The following BCAS3 variants were observed in gnomAD, a reference collection of about 807,000 sequenced individuals.
BCAS3 encodes the protein BCAS4/BCAS3 fusion.
In BCAS3, 53 loss-of-function variants were observed where a neutral mutation model predicts 116.1. The observed-to-expected ratio is 0.46, with a 90% CI of 0.37 to 0.57. The LOEUF (loss-of-function observed/expected upper bound fraction) is 0.57. Ranked by LOEUF, BCAS3 falls within the 20% of genes least tolerant of loss-of-function variation. BCAS3 has a pLI of 0.00. For missense variants in BCAS3, 917 were observed against 1,165.4 expected (o/e 0.79, Z 3.10); for synonymous variants, 391 against 408.2 (o/e 0.96, Z 0.51).
intron 5 of BCAS3, among the ~76,000 whole-genome samples, chr17:60,726,703 G>T (rs2039906415): frequency 6.6e-6 from 1 of 151,488 alleles, no homozygotes; most frequent in Admixed American, 6.6e-5. Flanking sequence ...TAGACATGGG[G>T]TTTCACCATG....
In BCAS3 at chr17:61,325,862, C is replaced by A. The variant is rs1229296350; in HGVS notation, c.2426-42465C>A. ...TGGGGACAGTCATCTGGGACCCAGT[C>A]ATGCTGAATGTTTCTCTCACTAGAG... On this transcript the variant is annotated intron_variant, in intron 22 of 23. Coordinates refer to ENST00000407086, the MANE Select transcript of BCAS3 (RefSeq NM_017679.5). The surrounding 1 kb of genome is among the most constrained non-coding windows in gnomAD (Gnocchi z 6.4). Among the ~76,000 whole-genome samples, 1 of 152,088 alleles carries A rather than the reference C, an allele frequency of 6.6e-6. No homozygotes were observed. Among genetic ancestry groups the A allele is most frequent in the Non-Finnish European group, 1.5e-5 (1 of 68,018 alleles).
rs539274180 is a variant in BCAS3 at position 61,380,427 on chromosome 17, C to G, written c.2594-11550C>G. ...CAAACCAGATTTGGGTATCGACTCA[C>G]TTTGATCTCAGCTCTTCCTGCTCTC... On this transcript the variant is annotated intron_variant, in intron 23 of 23. Transcript: ENST00000407086. This position sits in a 1 kb window ranked among gnomAD's most constrained non-coding sequence, Gnocchi z 4.2. The G allele has an allele frequency of 7.2e-7, 1 of 1,398,270 alleles. No homozygotes were observed. Among genetic ancestry groups the G allele is most frequent in the South Asian group, 1.2e-5 (1 of 82,650 alleles). 86.6% of individuals were successfully genotyped at this position (1,398,270 alleles called of 1,614,324 possible). A position where few individuals can be genotyped will look rare whatever the true frequency, so the allele number is the denominator to read the frequency against.
intron 7 of BCAS3, among the ~76,000 whole-genome samples, chr17:60,814,296 T>TGCGCGCGC (rs755687591): frequency 9.4e-4 from 117 of 124,484 alleles, no homozygotes; most frequent in African/African-American, 3.1e-3. Context: ...TGTGTGTGTG[T>TGCGCGCGC]GTGTGTGTGT....
intron 5 of BCAS3, among the ~76,000 whole-genome samples, chr17:60,724,090 A>G (rs2051082734): frequency 6.6e-6 from 1 of 151,142 alleles, no homozygotes; most frequent in Admixed American, 6.6e-5. Context: ...CTTTTACTCT[A>G]TTATTATTTT....
At chr17:60,850,977 A>T (rs2053091782) in intron 7 of BCAS3, among the ~76,000 whole-genome samples, 1 of 152,258 alleles carries the variant, frequency 6.6e-6, no homozygotes, top group South Asian at 2.1e-4. Context: ...TTGTATGGAA[A>T]GGCAATGCTC....
At chr17:60,951,764 C>CTTTTTTTTTTTTT (rs769133578) in intron 14 of BCAS3, among the ~76,000 whole-genome samples, 47 of 109,546 alleles carry the variant, frequency 4.3e-4, no homozygotes, top group African/African-American at 7.9e-4. Flanking sequence ...TCTTTTCTTT[C>CTTTTTTTTTTTTT]TTTTTTTTTT....
At chr17:61,350,390 G>A (rs1731338566) in intron 22 of BCAS3, among the ~76,000 whole-genome samples, 1 of 151,270 alleles carries the variant, frequency 6.6e-6, no homozygotes, top group Admixed American at 6.6e-5. Flanking sequence ...ATTCCAGCCT[G>A]GGCGACAGAG....
chr17:61,352,384 A>C lies in BCAS3; in HGVS notation c.2426-15943A>C, dbSNP rs950600451. 2.0e-5 allele frequency among the ~76,000 whole-genome samples: 3 copies of C among 152,240 alleles called. No individual in the cohort carries two copies. The highest frequency in any genetic ancestry group is 7.2e-5 in the African/African-American group (3 of 41,464). ...TGACTATAAATCTGCTCCTTGCCTG[A>C]GTATAGCAGAAACAAAATATGTTGC... On this transcript the variant is annotated intron_variant, in intron 22 of 23. Coordinates refer to ENST00000407086, the MANE Select transcript of BCAS3 (RefSeq NM_017679.5). This position sits in a 1 kb window ranked among gnomAD's most constrained non-coding sequence, Gnocchi z 4.7.
rs773240839 is a variant in BCAS3, at chr17:61,038,033, G to T, written c.1907G>T (p.Arg636Leu). Residue 636 changes from arginine (R) to leucine (L), a missense_variant, in exon 18 of 24, where the codon CGA becomes CTA. Arg to Leu is a moderately radical substitution (Grantham distance 102). Coordinates refer to ENST00000407086, the MANE Select transcript of BCAS3 (RefSeq NM_017679.5). Reference protein sequence around the residue: ...DTPLEMMTSPRASWTLVRTPQ... With the variant: ...DTPLEMMTSPLASWTLVRTPQ... ...CCACTGGAAATGATGACATCGCCTC[G>T]AGCCAGCTGGACTCTGGTTAGGTAG... The T allele has an allele frequency of 6.2e-7, 1 of 1,613,914 alleles. No individual in the cohort carries two copies. Among genetic ancestry groups the T allele is most frequent in the Non-Finnish European group, 8.5e-7 (1 of 1,179,980 alleles).
chr17:61,081,666 C>G (rs182351822), intron 21 of BCAS3, among the ~76,000 whole-genome samples: 111 of 152,294 alleles, frequency 7.3e-4, no homozygotes, highest in Non-Finnish European at 1.4e-3. Context: ...GACCCTACAG[C>G]AGTTTTTATG....
At chr17:60,729,681 A>G (rs2040266749) in intron 5 of BCAS3, among the ~76,000 whole-genome samples, 1 of 152,258 alleles carries the variant, frequency 6.6e-6, no homozygotes. Flanking sequence ...AAATCAAGAT[A>G]GGTTTACAAT....
intron 15 of BCAS3, among the ~76,000 whole-genome samples, chr17:61,009,482 A>T (rs748205795): frequency 1.3e-5 from 2 of 151,828 alleles, no homozygotes; most frequent in Non-Finnish European, 2.9e-5. Flanking sequence ...CTCTGGTATG[A>T]CACTCCTTTA....
chr17:61,118,488 G>A lies in BCAS3; in HGVS notation c.2425+33924G>A, dbSNP rs2075608923. On this transcript the variant is annotated intron_variant, in intron 22 of 23. Transcript: ENST00000407086. The surrounding 1 kb of genome is among the most constrained non-coding windows in gnomAD (Gnocchi z 5.0). ...ACGTGTGTGTTAGGAGGTGGTTCTTGTTAACAGCAGATAGGGATGAAAGTC... is the reference window on the plus strand; with the variant it reads ...ACGTGTGTGTTAGGAGGTGGTTCTTATTAACAGCAGATAGGGATGAAAGTC... Among the ~76,000 whole-genome samples, 2 of 152,168 alleles carry A rather than the reference G, an allele frequency of 1.3e-5. No homozygotes were observed. The highest frequency in any genetic ancestry group is 1.3e-4 in the Admixed American group (2 of 15,282).
Position 61,338,595 on chromosome 17 carries a change from G to A in BCAS3, c.2426-29732G>A, listed in dbSNP as rs559329959. On this transcript the variant is annotated intron_variant, in intron 22 of 23. Coordinates refer to ENST00000407086, the MANE Select transcript of BCAS3 (RefSeq NM_017679.5). ...GTTAGGGGTAGCAGATGTTGTTCTG[G>A]CATTGTTTGCCGAGTGGAGGTAGGG... Among the ~76,000 whole-genome samples the A allele has an allele frequency of 3.0e-3, 458 of 152,142 alleles. 4 individuals carry two copies. Among genetic ancestry groups the A allele is most frequent in the Admixed American group, 0.012 (185 of 15,288 alleles).
Position 61,316,729 on chromosome 17 carries a change from A to T in BCAS3, c.2426-51598A>T, listed in dbSNP as rs1602632650. On this transcript the variant is annotated intron_variant, in intron 22 of 23. Transcript: ENST00000407086. This position sits in a 1 kb window ranked among gnomAD's most constrained non-coding sequence, Gnocchi z 5.8. ...TGGAAAAGAAATCCATGCCCTCGGAATGATGTGGCTCCTTCCTTTTTTAGT... is the reference window on the plus strand; with the variant it reads ...TGGAAAAGAAATCCATGCCCTCGGATTGATGTGGCTCCTTCCTTTTTTAGT... 6.6e-6 allele frequency among the ~76,000 whole-genome samples: 1 copy of T among 152,378 alleles called. No individual in the cohort carries two copies. The highest frequency in any genetic ancestry group is 1.5e-5 in the Non-Finnish European group (1 of 68,042).
intron 5 of BCAS3, among the ~76,000 whole-genome samples, chr17:60,744,943 G>T (rs182200714): frequency 4.6e-5 from 7 of 152,198 alleles, no homozygotes; most frequent in Admixed American, 1.3e-4. Context: ...GTTTTTTGAT[G>T]TCAGAATAAG....
At chr17:60,806,881 T>G (rs1202625837) in intron 6 of BCAS3, among the ~76,000 whole-genome samples, 2 of 152,178 alleles carry the variant, frequency 1.3e-5, no homozygotes, top group Non-Finnish European at 1.5e-5. Context: ...CTTTTTTTGC[T>G]TCTTGTTCAT....
chr17:60,830,967 G>T (rs1468180368), intron 7 of BCAS3, among the ~76,000 whole-genome samples: 1 of 151,732 alleles, frequency 6.6e-6, no homozygotes, highest in East Asian at 1.9e-4. Context: ...TGACCCTCGG[G>T]CTCAAACAGT....
intron 22 of BCAS3, among the ~76,000 whole-genome samples, chr17:61,270,537 T>C (rs1172281416): frequency 6.6e-6 from 1 of 152,168 alleles, no homozygotes; most frequent in Non-Finnish European, 1.5e-5. Context: ...TTCCTTCCAC[T>C]TTATAGGCTG....
Sources: gnomAD v4.1 joint callset for allele counts (sites outside exome capture counted in the v4.1 genomes callset) on GRCh38, gnomAD v4.1.1 for gene constraint, Gnocchi (gnomAD v3.1) non-coding constraint, MANE v1.5 for transcripts, NCBI Gene and HGNC (gene_info 2026-07-23, HGNC 2026-07-21) for gene names.